The following PARD3 variants were observed in gnomAD, a reference collection of about 807,000 sequenced individuals.
The protein encoded by PARD3 is par-3 family cell polarity regulator, also known as partitioning defective 3 homolog.
Under a neutral mutation model 155.4 loss-of-function variants are expected in PARD3, and 75 were observed. The ratio of observed to expected loss-of-function variants is 0.48; its 90% CI spans 0.40 to 0.58. The LOEUF (loss-of-function observed/expected upper bound fraction) is 0.58, where lower values mean the gene tolerates loss of function less well. Ranked by LOEUF, PARD3 falls within the 20% of genes least tolerant of loss-of-function variation. PARD3 has a pLI of 0.00. For missense variants in PARD3, 1,642 were observed against 1,721.7 expected (o/e 0.95, Z 0.82); for synonymous variants, 576 against 610.5 (o/e 0.94, Z 0.83).
intron 3 of PARD3, among the ~76,000 whole-genome samples, chr10:34,471,748 G>A (rs1022797092): frequency 1.3e-5 from 2 of 152,082 alleles, no homozygotes; most frequent in Admixed American, 6.6e-5. Context: ...TAGTAGAGAC[G>A]GGGTTTCACC....
chr10:34,691,402 C>T (rs1006081757), intron 2 of PARD3, among the ~76,000 whole-genome samples: 1 of 152,112 alleles, frequency 6.6e-6, no homozygotes. Flanking sequence ...CGAAAGATCT[C>T]TACAATGAGA....
At chr10:34,747,875 T>C (rs1835499208) in intron 1 of PARD3, among the ~76,000 whole-genome samples, 1 of 152,240 alleles carries the variant, frequency 6.6e-6, no homozygotes, top group African/African-American at 2.4e-5. Context: ...TCCCTGCCTT[T>C]CTTTGCCTAC....
At chr10:34,710,428 C>T (rs1313379978) in intron 1 of PARD3, among the ~76,000 whole-genome samples, 4 of 109,086 alleles carry the variant, frequency 3.7e-5, no homozygotes, top group South Asian at 3.8e-4. Flanking sequence ...TTCTTTCTTT[C>T]CCATCTCTTC....
intron 20 of PARD3, among the ~76,000 whole-genome samples, chr10:34,284,797 A>C (rs1209505600): frequency 6.6e-6 from 1 of 152,234 alleles, no homozygotes; most frequent in Non-Finnish European, 1.5e-5. Context: ...ATTAAATTGA[A>C]AGGTTTAAGG....
chr10:34,799,558 C>T (rs114931750), intron 1 of PARD3, among the ~76,000 whole-genome samples: 3,288 of 152,224 alleles, frequency 0.022, 121 homozygotes, highest in African/African-American at 0.076. Context: ...TCAAGCAAAC[C>T]CAAGTCAGGA....
At chr10:34,554,404 A>T (rs1368485751) in intron 2 of PARD3, among the ~76,000 whole-genome samples, 1 of 152,242 alleles carries the variant, frequency 6.6e-6, no homozygotes, top group East Asian at 1.9e-4. Context: ...AATGCTTTCA[A>T]TGTATTAAGA....
At chr10:34,490,856 G>A (rs949513674) in intron 3 of PARD3, among the ~76,000 whole-genome samples, 2 of 152,164 alleles carry the variant, frequency 1.3e-5, no homozygotes, top group Admixed American at 1.3e-4. Context: ...GGAATACTCT[G>A]TAAAATGCTG....
chr10:34,798,416 A>G (rs1043131598), intron 1 of PARD3, among the ~76,000 whole-genome samples: 1 of 151,864 alleles, frequency 6.6e-6, no homozygotes, highest in African/African-American at 2.4e-5. Context: ...AGAAGAAAAA[A>G]AAAACATGCC....
At chr10:34,167,823 T>G (rs552418833) in intron 22 of PARD3, among the ~76,000 whole-genome samples, 1 of 152,324 alleles carries the variant, frequency 6.6e-6, no homozygotes, top group African/African-American at 2.4e-5. Flanking sequence ...CTAATTTGTT[T>G]TCTAATTAAA....
intron 15 of PARD3, chr10:34,344,270 GTTTGTT>G (rs1458128234): frequency 5.6e-6 from 5 of 896,762 alleles, no homozygotes; most frequent in Admixed American, 1.5e-4. Flanking sequence ...TTGTTTGTTT[GTTTGTT>G]TTTGTTTTTT....
At chr10:34,387,133 GA>G (rs1352092400) in intron 7 of PARD3, among the ~76,000 whole-genome samples, 1 of 152,128 alleles carries the variant, frequency 6.6e-6, no homozygotes, top group African/African-American at 2.4e-5. Flanking sequence ...TCCAGTTAAT[GA>G]GTTTTTAATT....
rs376642135 is a variant in PARD3 at position 34,618,463 on chromosome 10, A to G, written c.222+77855T>C. On this transcript the variant is annotated intron_variant, in intron 2 of 24. Transcript: ENST00000374788. Reference sequence around the variant, plus strand: ...AGTCAGAATGTAAGAACGCTTCCACAACAGTGGCAAAGTAAGTCACAATTC... The same window carrying G: ...AGTCAGAATGTAAGAACGCTTCCACGACAGTGGCAAAGTAAGTCACAATTC... Among the ~76,000 whole-genome samples, 6 of 152,316 alleles carry G rather than the reference A, an allele frequency of 3.9e-5. No homozygotes were observed. In the South Asian group the frequency reaches 8.3e-4, roughly 21 times the overall value.
rs1164869006 is a variant in PARD3, at chr10:34,371,420, G to C, written c.1707+1078C>G. ...TTTTAGAATTGTGGAATATTTATAG[G>C]AGGATCACTTGAGCTCAGGAGGTCA... On this transcript the variant is annotated intron_variant, in intron 12 of 24. Transcript: ENST00000374788. Among the ~76,000 whole-genome samples, 4 of 133,198 alleles carry C rather than the reference G, an allele frequency of 3.0e-5. No individual in the cohort carries two copies. In the Admixed American group the frequency reaches 3.6e-4, roughly 12 times the overall value. 87.4% of individuals were successfully genotyped at this position (133,198 alleles called of 152,430 possible).
At chr10:34,718,131 G>A (rs1357216842) in intron 1 of PARD3, among the ~76,000 whole-genome samples, 3 of 141,858 alleles carry the variant, frequency 2.1e-5, no homozygotes, top group Non-Finnish European at 4.5e-5. Flanking sequence ...TCCAGCCTGG[G>A]TAACAGAGAC....
chr10:34,129,700 C>CTTTTTTTTTTTTTTTTTTTTTT (rs1209547388), intron 23 of PARD3, among the ~76,000 whole-genome samples: 3 of 82,986 alleles, frequency 3.6e-5, no homozygotes, highest in African/African-American at 1.4e-4. Context: ...TGTCAAGCCT[C>CTTTTTTTTTTTTTTTTTTTTTT]TTTTTTTTTT....
chr10:34,580,207 G>A (rs1242676840), intron 2 of PARD3, among the ~76,000 whole-genome samples: 1 of 152,112 alleles, frequency 6.6e-6, no homozygotes, highest in Non-Finnish European at 1.5e-5. Flanking sequence ...GAGCCACTGT[G>A]CCCAGCCAGA....
intron 3 of PARD3, among the ~76,000 whole-genome samples, chr10:34,499,661 G>C (rs995742916): frequency 6.6e-6 from 1 of 152,100 alleles, no homozygotes; most frequent in African/African-American, 2.4e-5. Context: ...TTATCATGCT[G>C]CATTATCTAG....
intron 22 of PARD3, among the ~76,000 whole-genome samples, chr10:34,228,741 G>A (rs908075405): frequency 6.6e-6 from 1 of 152,020 alleles, no homozygotes; most frequent in African/African-American, 2.4e-5. Context: ...GAGCTGAATC[G>A]TGTTCAACAA....
intron 7 of PARD3, among the ~76,000 whole-genome samples, chr10:34,391,621 A>G (rs1447177437): frequency 2.0e-5 from 3 of 152,222 alleles, no homozygotes; most frequent in Admixed American, 6.5e-5. Flanking sequence ...ACATCAGTTT[A>G]TATTTGAGGG....
Sources: allele counts gnomAD v4.1 joint callset (sites outside exome capture counted in the v4.1 genomes callset), GRCh38; gene constraint gnomAD v4.1.1; transcripts MANE v1.5; gene names NCBI Gene and HGNC (gene_info 2026-07-23, HGNC 2026-07-21).